The following SERPINI1 variants were observed in gnomAD, a reference collection of about 807,000 sequenced individuals.
The protein encoded by SERPINI1 is neuroserpin.
In SERPINI1, 19 loss-of-function variants were observed where a neutral mutation model predicts 41.1. The ratio of observed to expected loss-of-function variants is 0.46; its 90% CI spans 0.32 to 0.68. The LOEUF (loss-of-function observed/expected upper bound fraction) is 0.68, where lower values mean the gene tolerates loss of function less well. SERPINI1 is among the 30% of genes least tolerant of loss of function. The probability of loss-of-function intolerance (pLI) is 0.03; values close to 1 mark genes in which losing one functional copy is unlikely to be tolerated. For synonymous variants in SERPINI1, 138 were observed against 156.6 expected (o/e 0.88, Z 0.89); for missense variants, 460 against 479.2 (o/e 0.96, Z 0.37).
At chr3:167,767,641 T>A (rs1726609040) in intron 1 of SERPINI1, among the ~76,000 whole-genome samples, 1 of 152,194 alleles carries the variant, frequency 6.6e-6, no homozygotes, top group African/African-American at 2.4e-5. Flanking sequence ...AAAAATGTTA[T>A]CTTTTTTGTA....
intron 1 of SERPINI1, among the ~76,000 whole-genome samples, chr3:167,743,754 T>G (rs1725754508): frequency 6.6e-6 from 1 of 152,104 alleles, no homozygotes; most frequent in Admixed American, 6.6e-5. Flanking sequence ...CACATTTACA[T>G]TACAACAAGG....
At chr3:167,760,431 G>A (rs1726339634) in intron 1 of SERPINI1, among the ~76,000 whole-genome samples, 1 of 151,772 alleles carries the variant, frequency 6.6e-6, no homozygotes, top group African/African-American at 2.4e-5. Context: ...GCAGCATAAG[G>A]CATCTGATCA....
At chr3:167,823,157 T>G in intron 7 of SERPINI1, 85 bp downstream of exon 7, 1 of 952,618 alleles carries the variant, frequency 1.0e-6, no homozygotes, top group Non-Finnish European at 1.7e-6. Flanking sequence ...ATTTTCAAAA[T>G]GAAGCCAAAA....
intron 4 of SERPINI1, 85 bp from the exon 5 acceptor site, chr3:167,794,535 A>G (rs1434469652): frequency 1.1e-5 from 12 of 1,135,154 alleles, no homozygotes; most frequent in Non-Finnish European, 1.6e-5. Flanking sequence ...TGTACACTAT[A>G]CCAAATATGT....
intron 1 of SERPINI1, among the ~76,000 whole-genome samples, chr3:167,757,038 A>C (rs951855685): frequency 6.6e-6 from 1 of 152,232 alleles, no homozygotes. Flanking sequence ...AAGAGAGAAA[A>C]GTGCATCTAT....
At chr3:167,739,419 T>C (rs953965104) in intron 1 of SERPINI1, among the ~76,000 whole-genome samples, 7 of 152,254 alleles carry the variant, frequency 4.6e-5, no homozygotes, top group African/African-American at 9.6e-5. Context: ...TGAGAATGTC[T>C]TTATGCTAGT....
At chr3:167,795,421 A>G (rs577943916) in intron 5 of SERPINI1, among the ~76,000 whole-genome samples, 2 of 152,270 alleles carry the variant, frequency 1.3e-5, no homozygotes, top group South Asian at 4.1e-4. Flanking sequence ...CACTCACCAC[A>G]TCAAGCATGT....
Position 167,782,520 on chromosome 3 carries a change from A to G in SERPINI1, c.-18-6591A>G, listed in dbSNP as rs181811899. ...CACTATATTAATTTAATAAATATTT[A>G]TTTGGCACCTACTATGTGTAATTAA... On this transcript the variant is annotated intron_variant, in intron 1 of 8. Coordinates refer to ENST00000446050, the MANE Select transcript of SERPINI1 (RefSeq NM_001122752.2). Among the ~76,000 whole-genome samples, 3 of 152,278 alleles carry G rather than the reference A, an allele frequency of 2.0e-5. No individual in the cohort carries two copies. The East Asian group carries it at 5.8e-4, about 29-fold the overall frequency.
At chr3:167,788,624 T>C (rs1727391284) in intron 1 of SERPINI1, among the ~76,000 whole-genome samples, 1 of 152,198 alleles carries the variant, frequency 6.6e-6, no homozygotes, top group Non-Finnish European at 1.5e-5. Context: ...AACTGGGATT[T>C]GAGGCAGGTA....
intron 1 of SERPINI1, among the ~76,000 whole-genome samples, chr3:167,756,204 A>G (rs1381025930): frequency 6.6e-6 from 1 of 152,182 alleles, no homozygotes; most frequent in South Asian, 2.1e-4. Flanking sequence ...GCTTTCAGTC[A>G]AACACTTTAC....
chr3:167,813,781 T>C (rs1485973845), intron 6 of SERPINI1, among the ~76,000 whole-genome samples: 1 of 152,130 alleles, frequency 6.6e-6, no homozygotes. Context: ...GAAGAGAATT[T>C]GTGGTGGGGG....
chr3:167,752,401 C>A (rs1283726041), intron 1 of SERPINI1, among the ~76,000 whole-genome samples: 1 of 152,158 alleles, frequency 6.6e-6, no homozygotes, highest in Non-Finnish European at 1.5e-5. Context: ...TAATGAAGGA[C>A]AGCTCCACCT....
chr3:167,751,510 A>T (rs1378258215), intron 1 of SERPINI1, among the ~76,000 whole-genome samples: 1 of 152,180 alleles, frequency 6.6e-6, no homozygotes, highest in Admixed American at 6.6e-5. Context: ...CTTCCTTTAA[A>T]TGTTTTCTCC....
intron 1 of SERPINI1, among the ~76,000 whole-genome samples, chr3:167,754,002 A>G (rs553541187): frequency 1.6e-4 from 25 of 152,280 alleles, no homozygotes; most frequent in Non-Finnish European, 3.4e-4. Flanking sequence ...AGAGGAGTAG[A>G]TTTCTTATTC....
intron 5 of SERPINI1, among the ~76,000 whole-genome samples, chr3:167,799,832 C>T (rs1439524534): frequency 6.6e-6 from 1 of 152,148 alleles, no homozygotes; most frequent in Non-Finnish European, 1.5e-5. Flanking sequence ...TTGTTGGCCA[C>T]ATAAATGTCT....
chr3:167,754,594 A>G (rs1416207722), intron 1 of SERPINI1, among the ~76,000 whole-genome samples: 1 of 152,210 alleles, frequency 6.6e-6, no homozygotes, highest in African/African-American at 2.4e-5. Context: ...CAAAATCTGA[A>G]TTTTCACGTC....
At chr3:167,748,641 G>A (rs1725938175) in intron 1 of SERPINI1, among the ~76,000 whole-genome samples, 1 of 152,162 alleles carries the variant, frequency 6.6e-6, no homozygotes, top group African/African-American at 2.4e-5. Flanking sequence ...CATTGATGAT[G>A]CGGATTTGAG....
At chr3:167,818,394 A>C (rs756424597) in intron 6 of SERPINI1, among the ~76,000 whole-genome samples, 1 of 152,240 alleles carries the variant, frequency 6.6e-6, no homozygotes, top group Non-Finnish European at 1.5e-5. Flanking sequence ...AAACTTATCA[A>C]ATCATGTATA....
chr3:167,800,862 A>C (rs1727876308), intron 5 of SERPINI1, among the ~76,000 whole-genome samples: 2 of 152,008 alleles, frequency 1.3e-5, no homozygotes, highest in Admixed American at 6.5e-5. Flanking sequence ...GCTGGAATGC[A>C]ATGGCATGGT....
Sources: gnomAD v4.1 joint callset for allele counts (sites outside exome capture counted in the v4.1 genomes callset) on GRCh38, gnomAD v4.1.1 for gene constraint, MANE v1.5 for transcripts, NCBI Gene and HGNC (gene_info 2026-07-23, HGNC 2026-07-21) for gene names.